PCDH15: variants seen among roughly 807,000 people sequenced by gnomAD.
PCDH15 encodes protocadherin related 15.
In PCDH15, 129 loss-of-function variants were observed where a neutral mutation model predicts 178.5. The ratio of observed to expected loss-of-function variants is 0.72; its 90% CI spans 0.63 to 0.84. The LOEUF is 0.84. PCDH15 is among the 40% of genes least tolerant of loss of function. The probability of loss-of-function intolerance (pLI) is 0.00; values close to 1 mark genes in which losing one functional copy is unlikely to be tolerated. For missense variants in PCDH15, 2,230 were observed against 2,099.9 expected (o/e 1.06, Z -1.21); for synonymous variants, 800 against 732.0 (o/e 1.09, Z -1.50).
intron 3 of PCDH15, among the ~76,000 whole-genome samples, chr10:54,808,612 G>C (rs1952814526): frequency 6.6e-6 from 1 of 152,068 alleles, no homozygotes; most frequent in South Asian, 2.1e-4. Flanking sequence ...TTTATTTCTT[G>C]GCAATTATTC....
intron 1 of PCDH15, among the ~76,000 whole-genome samples, chr10:54,796,121 T>C (rs1190559880): frequency 6.6e-6 from 1 of 151,788 alleles, no homozygotes. Flanking sequence ...GCAACAGTTA[T>C]TGAAACTTGA....
At chr10:53,982,306 A>G (rs751067711) in intron 21 of PCDH15, among the ~76,000 whole-genome samples, 1 of 152,104 alleles carries the variant, frequency 6.6e-6, no homozygotes, top group Admixed American at 6.6e-5. Context: ...TTGACCCAGC[A>G]ATCTCATTAC....
chr10:54,486,549 ATTCTTCCTTTCT>A (rs1305326601), intron 3 of PCDH15, among the ~76,000 whole-genome samples: 1 of 151,730 alleles, frequency 6.6e-6, no homozygotes, highest in Non-Finnish European at 1.5e-5. Flanking sequence ...AAATATGTTC[ATTCTTCCTTTCT>A]TTCTTCCTTT....
chr10:54,258,839 A>G (rs2057106349), intron 8 of PCDH15, among the ~76,000 whole-genome samples: 2 of 152,146 alleles, frequency 1.3e-5, no homozygotes, highest in South Asian at 4.1e-4. Context: ...AATTTTCGTG[A>G]TATAACTCAC....
chr10:54,520,454 C>T (rs1444419105), intron 3 of PCDH15, among the ~76,000 whole-genome samples: 1 of 152,088 alleles, frequency 6.6e-6, no homozygotes, highest in Admixed American at 6.6e-5. Flanking sequence ...CCAAAAAACA[C>T]ATGAAAAAAT....
intron 8 of PCDH15, among the ~76,000 whole-genome samples, chr10:54,302,501 G>A (rs564721408): frequency 5.9e-5 from 9 of 152,212 alleles, no homozygotes; most frequent in African/African-American, 2.2e-4. Flanking sequence ...ATAAATGAAA[G>A]GCCTAAGAGA....
At chr10:54,931,207 T>A (rs1041680683) in intron 2 of PCDH15, among the ~76,000 whole-genome samples, 1 of 152,242 alleles carries the variant, frequency 6.6e-6, no homozygotes, top group Non-Finnish European at 1.5e-5. Context: ...GGTTTTATCA[T>A]TCTGATACAT....
intron 3 of PCDH15, among the ~76,000 whole-genome samples, chr10:54,420,510 A>G (rs1225228418): frequency 6.6e-6 from 1 of 152,140 alleles, no homozygotes; most frequent in African/African-American, 2.4e-5. Flanking sequence ...TGAGATCTGA[A>G]TACGATTCAT....
At chr10:53,822,886 T>C in intron 32 of PCDH15, 1 of 1,614,152 alleles carries the variant, frequency 6.2e-7, no homozygotes, top group Non-Finnish European at 8.5e-7. Context: ...TTTGTACAGA[T>C]TCCAGTGTTT....
At chr10:53,980,464 A>T (rs530630938) in intron 21 of PCDH15, among the ~76,000 whole-genome samples, 1 of 152,242 alleles carries the variant, frequency 6.6e-6, no homozygotes, top group African/African-American at 2.4e-5. Context: ...ATGACATCAG[A>T]GTTACTTCAA....
chr10:54,059,651 C>T (rs2093973903), intron 18 of PCDH15, among the ~76,000 whole-genome samples: 1 of 152,182 alleles, frequency 6.6e-6, no homozygotes, highest in Non-Finnish European at 1.5e-5. Context: ...TAGCAGTCTG[C>T]ATTTCTAAGG....
At chr10:55,221,334 T>A (rs1033936235) in intron 1 of PCDH15, among the ~76,000 whole-genome samples, 1 of 152,116 alleles carries the variant, frequency 6.6e-6, no homozygotes, top group African/African-American at 2.4e-5. Context: ...TATGTGTATA[T>A]AAATGTTTAT....
At position 55,334,823 on chromosome 10, in the gene PCDH15, T is replaced by C. The variant is rs371536835; in HGVS notation, c.-155-168172A>G. The stretch of plus-strand genomic sequence containing the variant: ...TTAAAACATGGCTCTATGGAGAAAA[T>C]AATTACCTCCTTGGTGCTAAAAATG... On this transcript the variant is annotated intron_variant, in intron 2 of 5. Coordinates refer to the PCDH15 transcript ENST00000613346. Among the ~76,000 whole-genome samples the C allele has an allele frequency of 1.1e-4, 17 of 152,198 alleles. No individual in the cohort carries two copies. In the South Asian group the frequency reaches 3.1e-3, roughly 28 times the overall value.
intron 2 of PCDH15, among the ~76,000 whole-genome samples, chr10:55,029,943 A>G (rs1840567539): frequency 6.6e-6 from 1 of 152,190 alleles, no homozygotes; most frequent in African/African-American, 2.4e-5. Flanking sequence ...CAAGAGAGTG[A>G]TGACGTGGTC....
chr10:55,157,072 T>C (rs564058631), intron 2 of PCDH15, among the ~76,000 whole-genome samples: 27 of 152,242 alleles, frequency 1.8e-4, no homozygotes, highest in African/African-American at 5.8e-4. Flanking sequence ...TATGTTTTTA[T>C]TACTTTCATA....
chr10:55,124,448 A>C (rs1487410423), intron 2 of PCDH15, among the ~76,000 whole-genome samples: 2 of 152,154 alleles, frequency 1.3e-5, no homozygotes, highest in South Asian at 4.1e-4. Context: ...GCTTTTTAAA[A>C]ACTTTAATAG....
At chr10:54,837,654 A>G (rs1288343124) in intron 3 of PCDH15, among the ~76,000 whole-genome samples, 1 of 152,160 alleles carries the variant, frequency 6.6e-6, no homozygotes, top group African/African-American at 2.4e-5. Context: ...CAAAAATATA[A>G]TAGAGTGATG....
intron 1 of PCDH15, among the ~76,000 whole-genome samples, chr10:55,300,668 T>C (rs986459648): frequency 9.9e-5 from 15 of 152,172 alleles, no homozygotes; most frequent in Non-Finnish European, 2.2e-4. Flanking sequence ...ACATTCAAAA[T>C]TGATTCAATT....
chr10:55,336,101 C>CAAAATAT (rs762576537), intron 2 of PCDH15, among the ~76,000 whole-genome samples: 8 of 107,494 alleles, frequency 7.4e-5, no homozygotes, highest in South Asian at 3.3e-4. Flanking sequence ...CATGCTATCC[C>CAAAATAT]AAAATATGGC....
Sources: gnomAD v4.1 joint callset for allele counts (sites outside exome capture counted in the v4.1 genomes callset) on GRCh38, gnomAD v4.1.1 for gene constraint, MANE v1.5 for transcripts, NCBI Gene and HGNC (gene_info 2026-07-23, HGNC 2026-07-21) for gene names.